The following MYLK variants were observed in gnomAD, a reference collection of about 807,000 sequenced individuals.
The protein encoded by MYLK is myosin light chain kinase.
In MYLK, 106 loss-of-function variants were observed where a neutral mutation model predicts 203.4. The observed-to-expected ratio is 0.52, with a 90% confidence interval of 0.45 to 0.61. MYLK has a LOEUF of 0.61. MYLK is among the 20% of genes least tolerant of loss of function. The pLI is 0.00. For synonymous variants in MYLK, 867 were observed against 959.5 expected, an observed-to-expected ratio of 0.90 and a Z score of 1.78; for missense variants, 2,072 against 2,442.3, an observed-to-expected ratio of 0.85 and a Z score of 3.20.
At chr3:123,659,440 T>C (rs2059495177) in intron 23 of MYLK, among the ~76,000 whole-genome samples, 2 of 152,154 alleles carry the variant, frequency 1.3e-5, no homozygotes, top group Admixed American at 1.3e-4. Context: ...TACGTAAGAC[T>C]TGTCACACAA....
chr3:123,731,815 C>A (rs964899665), intron 11 of MYLK, among the ~76,000 whole-genome samples: 2 of 151,592 alleles, frequency 1.3e-5, no homozygotes, highest in African/African-American at 4.8e-5. Flanking sequence ...ACCATCACAT[C>A]TTAAAACACC....
chr3:123,768,813 G>A (rs1257276495), intron 4 of MYLK, among the ~76,000 whole-genome samples: 1 of 152,182 alleles, frequency 6.6e-6, no homozygotes, highest in Admixed American at 6.5e-5. Context: ...TACACTGTCT[G>A]GTGAACAGGA....
chr3:123,754,180 T>C (rs2063293805), intron 4 of MYLK, among the ~76,000 whole-genome samples: 1 of 152,214 alleles, frequency 6.6e-6, no homozygotes. Context: ...CCAGAGTCTC[T>C]GTAACCAGGA....
At chr3:123,753,103 T>C (rs551770324) in intron 4 of MYLK, among the ~76,000 whole-genome samples, 1 of 152,320 alleles carries the variant, frequency 6.6e-6, no homozygotes, top group East Asian at 1.9e-4. Flanking sequence ...CGGTAGCCAC[T>C]GGCCACAGGT....
Position 123,613,926 on chromosome 3 carries a change from C to A in MYLK, c.*179G>T. 5.8e-6 allele frequency: 4 copies of A among 685,684 alleles called. No individual in the cohort carries two copies. The highest frequency in any genetic ancestry group is 1.8e-5 in the South Asian group (1 of 55,000). 42.5% of individuals were successfully genotyped at this position (685,684 alleles called of 1,614,324 possible). Reference sequence around the variant, plus strand: ...AGGTGCCAACTAACATAGATTAATGCCCATCAATAACGCTGCTAGGTATCA... The same window carrying A: ...AGGTGCCAACTAACATAGATTAATGACCATCAATAACGCTGCTAGGTATCA... On this transcript the variant is annotated 3_prime_UTR_variant, in exon 34 of 34. Transcript: ENST00000360304.
chr3:123,746,428 G>A (rs2063019673), intron 5 of MYLK, among the ~76,000 whole-genome samples: 1 of 152,100 alleles, frequency 6.6e-6, no homozygotes, highest in Non-Finnish European at 1.5e-5. Context: ...AGGAATACGA[G>A]ATGGAAAAAG....
At chr3:123,835,288 G>T (rs911303740) in intron 2 of MYLK, among the ~76,000 whole-genome samples, 1 of 152,166 alleles carries the variant, frequency 6.6e-6, no homozygotes, top group Non-Finnish European at 1.5e-5. Flanking sequence ...AGAACCACTG[G>T]TCTAGAAAGC....
At chr3:123,785,292 C>A (rs1384492802) in intron 4 of MYLK, among the ~76,000 whole-genome samples, 1 of 152,224 alleles carries the variant, frequency 6.6e-6, no homozygotes, top group Non-Finnish European at 1.5e-5. Context: ...TCTGTTCAGT[C>A]CACCATTTTG....
chr3:123,676,689 G>A (rs2060081246), intron 20 of MYLK, among the ~76,000 whole-genome samples: 1 of 152,206 alleles, frequency 6.6e-6, no homozygotes, highest in South Asian at 2.1e-4. Flanking sequence ...CATCCCCAGT[G>A]GCAGAACCAC....
intron 2 of MYLK, among the ~76,000 whole-genome samples, chr3:123,839,688 C>T (rs2066547982): frequency 6.6e-6 from 1 of 152,148 alleles, no homozygotes; most frequent in African/African-American, 2.4e-5. Flanking sequence ...GAAAGGTGAA[C>T]ACCACTATCA....
intron 31 of MYLK, 169 bp from the exon 32 acceptor site, chr3:123,620,505 G>T: frequency 6.6e-7 from 1 of 1,504,914 alleles, no homozygotes. Flanking sequence ...ACCTTGCTCT[G>T]CTCAGCACTG....
intron 2 of MYLK, among the ~76,000 whole-genome samples, chr3:123,838,469 C>A (rs548703828): frequency 1.3e-5 from 2 of 152,212 alleles, no homozygotes; most frequent in African/African-American, 2.4e-5. Flanking sequence ...AAACTAAGAT[C>A]TCCAGAAATG....
In MYLK at chr3:123,618,727, C is replaced by A. The variant is rs139045748; in HGVS notation, c.5412G>T (p.Lys1804Asn). The A allele has an allele frequency of 2.3e-5, 37 of 1,614,062 alleles. No homozygotes were observed. In the Middle Eastern group the frequency reaches 1.6e-3, roughly 72 times the overall value. The change falls in exon 33 of 34, where the codon AAG (lysine) becomes AAT (asparagine). Residue 1804 changes from lysine to asparagine, a missense_variant. Physicochemically the swap from Lys to Asn is moderately conservative, Grantham distance 94. Transcript: ENST00000360304. ...TAGAGAAATAGGGTTTTACATGAGG[C>A]TTTTCCTCAGCAACAGCCTCAAGGA... ...QAFLEAVAEEKPHVKPYFSKT... is the reference protein window; with the variant it reads ...QAFLEAVAEENPHVKPYFSKT...
chr3:123,812,013 G>C (rs2065578209), intron 3 of MYLK, among the ~76,000 whole-genome samples: 1 of 152,072 alleles, frequency 6.6e-6, no homozygotes, highest in South Asian at 2.1e-4. Flanking sequence ...TCAATATAAA[G>C]AATCCATTTT....
intron 4 of MYLK, among the ~76,000 whole-genome samples, chr3:123,771,212 CT>C (rs1314951594): frequency 6.6e-6 from 1 of 151,974 alleles, no homozygotes; most frequent in East Asian, 1.9e-4. Context: ...ATTTCTTCAA[CT>C]GTTTCAGTTT....
chr3:123,837,706 C>A (rs1333092838), intron 2 of MYLK, among the ~76,000 whole-genome samples: 1 of 151,782 alleles, frequency 6.6e-6, no homozygotes, highest in Admixed American at 6.6e-5. Flanking sequence ...AGTCACTCCC[C>A]ATATCCTACC....
chr3:123,657,655 C>CT (rs1304512740), intron 23 of MYLK, among the ~76,000 whole-genome samples: 71 of 152,014 alleles, frequency 4.7e-4, no homozygotes, highest in African/African-American at 1.3e-3. Flanking sequence ...GGCCCCCTCG[C>CT]TTTTTTTTGC....
chr3:123,745,474 T>C (rs1160471643), intron 5 of MYLK, among the ~76,000 whole-genome samples: 1 of 152,216 alleles, frequency 6.6e-6, no homozygotes, highest in East Asian at 1.9e-4. Flanking sequence ...GTCACTGAAA[T>C]TGCTCAATGT....
chr3:123,637,792 G>A (rs1242690837), intron 29 of MYLK, among the ~76,000 whole-genome samples: 3 of 152,094 alleles, frequency 2.0e-5, no homozygotes, highest in Admixed American at 2.0e-4. Flanking sequence ...AAAGGCCCCA[G>A]GCTGGCCAGC....
Sources: gnomAD v4.1 joint callset for allele counts (sites outside exome capture counted in the v4.1 genomes callset) on GRCh38, gnomAD v4.1.1 for gene constraint, MANE v1.5 for transcripts, NCBI Gene and HGNC (gene_info 2026-07-23, HGNC 2026-07-21) for gene names.